KIAA0319L: variants seen among roughly 807,000 people sequenced by gnomAD.
The protein encoded by KIAA0319L is KIAA0319 like, also known as dyslexia-associated protein KIAA0319-like protein.
In KIAA0319L, 55 loss-of-function variants were observed where a neutral mutation model predicts 120.1. The ratio of observed to expected loss-of-function variants is 0.46; its 90% CI spans 0.37 to 0.57. KIAA0319L has a LOEUF of 0.57. Ranked by LOEUF, KIAA0319L falls within the 20% of genes least tolerant of loss-of-function variation. The probability of loss-of-function intolerance (pLI) is 0.00; values close to 1 mark genes in which losing one functional copy is unlikely to be tolerated. For missense variants in KIAA0319L, 1,049 were observed against 1,255.3 expected (o/e 0.84, Z 2.48); for synonymous variants, 398 against 471.9 (o/e 0.84, Z 2.03).
At chr1:35,511,918 TTATTTA>T (rs1429314695) in intron 2 of KIAA0319L, among the ~76,000 whole-genome samples, 1 of 152,240 alleles carries the variant, frequency 6.6e-6, no homozygotes, top group Non-Finnish European at 1.5e-5. Flanking sequence ...TATTATGTTC[TTATTTA>T]TATTTTTAAC....
intron 3 of KIAA0319L, among the ~76,000 whole-genome samples, chr1:35,498,860 G>A (rs1163725757): frequency 6.6e-6 from 1 of 152,100 alleles, no homozygotes; most frequent in Non-Finnish European, 1.5e-5. Context: ...AGACACAATG[G>A]TATTGAAATA....
intron 3 of KIAA0319L, among the ~76,000 whole-genome samples, chr1:35,502,495 C>A (rs1042544483): frequency 2.0e-5 from 3 of 151,186 alleles, no homozygotes; most frequent in Non-Finnish European, 3.0e-5. Context: ...TCAGTGTCCA[C>A]ATGGGTAACT....
chr1:35,460,195 C>T, intron 9 of KIAA0319L, 110 bp downstream of exon 9: 1 of 893,722 alleles, frequency 1.1e-6, no homozygotes. Flanking sequence ...TATTATCAAC[C>T]AACTCCACAG....
intron 18 of KIAA0319L, 75 bp from the exon 19 acceptor site, chr1:35,442,411 G>T: frequency 9.0e-7 from 1 of 1,113,164 alleles, no homozygotes; most frequent in South Asian, 1.2e-5. Context: ...TCCCAGCTTG[G>T]GCAGGTGTGG....
intron 2 of KIAA0319L, among the ~76,000 whole-genome samples, chr1:35,530,620 CTTT>C (rs1283559267): frequency 3.3e-5 from 5 of 152,084 alleles, no homozygotes; most frequent in African/African-American, 1.2e-4. Flanking sequence ...TTATTGTGTT[CTTT>C]TGGAGATACC....
chr1:35,442,803 C>T lies in KIAA0319L; in HGVS notation c.2779+103G>A. Reference sequence around the variant, plus strand: ...AACAGAAAATACACAAAGTTCTTCTCCTTGCCTGCTCATCTGCTTCAGAAA... The same window carrying T: ...AACAGAAAATACACAAAGTTCTTCTTCTTGCCTGCTCATCTGCTTCAGAAA... On this transcript the variant is annotated intron_variant, in intron 18 of 20. Coordinates refer to ENST00000325722, the MANE Select transcript of KIAA0319L (RefSeq NM_024874.5). 5.1e-6 allele frequency: 7 copies of T among 1,384,010 alleles called. No homozygotes were observed. In the Admixed American group the frequency reaches 1.1e-4, roughly 21 times the overall value. 85.7% of individuals were successfully genotyped at this position (1,384,010 alleles called of 1,614,324 possible).
At position 35,453,697 on chromosome 1, in the gene KIAA0319L, A is replaced by G. The variant is rs1642224717; in HGVS notation, c.1781-8T>C. On this transcript the variant is annotated splice_polypyrimidine_tract_variant and splice_region_variant and intron_variant, in intron 11 of 20. Transcript: ENST00000325722. This position sits in a 1 kb window ranked among gnomAD's most constrained non-coding sequence, Gnocchi z 4.1. The stretch of plus-strand genomic sequence containing the variant: ...GAGGAGGCTTATTGTTTTCTGGAAG[A>G]CAAAGAGTTAGAGGTCAAAAGCAGC... 2 of 1,612,078 alleles carry G rather than the reference A, an allele frequency of 1.2e-6. No homozygotes were observed. Among genetic ancestry groups the G allele is most frequent in the South Asian group, 2.2e-5 (2 of 90,844 alleles).
chr1:35,451,529 G>T, intron 13 of KIAA0319L, 99 bp downstream of exon 13: 2 of 1,193,776 alleles, frequency 1.7e-6, no homozygotes, highest in Non-Finnish European at 2.4e-6. Flanking sequence ...CCCACCTCTT[G>T]CTATCTCTAA....
rs1640642824 is a variant in KIAA0319L, at chr1:35,434,573, G to C, written c.*321C>G. 3.1e-6 allele frequency: 1 copy of C among 319,926 alleles called. No homozygotes were observed. The highest frequency in any genetic ancestry group is 5.8e-6 in the Non-Finnish European group (1 of 173,008). 19.8% of individuals were successfully genotyped at this position (319,926 alleles called of 1,614,324 possible). On this transcript the variant is annotated 3_prime_UTR_variant, in exon 21 of 21. Coordinates refer to ENST00000325722, the MANE Select transcript of KIAA0319L (RefSeq NM_024874.5). ...GCAGCACTCTGGGCACAATGACACT[G>C]TCCACTGGGGAGCTGCAGAGCTTAG...
chr1:35,443,953 T>A (rs1460554017), intron 17 of KIAA0319L: 1 of 424,502 alleles, frequency 2.4e-6, no homozygotes, highest in Non-Finnish European at 4.1e-6. Flanking sequence ...GCTCACAGCC[T>A]TCTGAACACG....
At chr1:35,553,454 C>G (rs1477180084) in intron 2 of KIAA0319L, among the ~76,000 whole-genome samples, 2 of 151,886 alleles carry the variant, frequency 1.3e-5, no homozygotes, top group Non-Finnish European at 2.9e-5. Context: ...AACAAAAACC[C>G]CAAAGCTGAT....
chr1:35,488,104 A>G (rs1644456386), intron 3 of KIAA0319L, among the ~76,000 whole-genome samples: 1 of 152,180 alleles, frequency 6.6e-6, no homozygotes, highest in African/African-American at 2.4e-5. Flanking sequence ...TGCCCTCAGG[A>G]AAAAATTTTT....
intron 8 of KIAA0319L, among the ~76,000 whole-genome samples, chr1:35,462,013 A>G (rs1425707987): frequency 6.6e-6 from 1 of 152,182 alleles, no homozygotes; most frequent in Non-Finnish European, 1.5e-5. Context: ...CCAAAAACCA[A>G]GCAAATACTG....
In KIAA0319L at chr1:35,484,727, A is replaced by G. The variant is rs60902011; in HGVS notation, c.667-5515T>C. On this transcript the variant is annotated intron_variant, in intron 3 of 20. Coordinates refer to ENST00000325722, the MANE Select transcript of KIAA0319L (RefSeq NM_024874.5). ...CTATTTGTTAAGTAACTGTCATCTC[A>G]TTTTCCTTTAAACCTTTGAACACGA... Among the ~76,000 whole-genome samples the G allele has an allele frequency of 7.9e-3, 1,071 of 135,134 alleles. 13 individuals carry two copies. The highest frequency in any genetic ancestry group is 0.028 in the African/African-American group (1,027 of 37,274). 88.7% of individuals were successfully genotyped at this position (135,134 alleles called of 152,430 possible).
chr1:35,442,299 G>A lies in KIAA0319L; in HGVS notation c.2817C>T (p.Val939=), dbSNP rs779679131. 1.9e-6 allele frequency: 3 copies of A among 1,613,974 alleles called. No homozygotes were observed. The East Asian group carries it at 6.7e-5, about 36-fold the overall frequency. The change falls in exon 19 of 21, where the codon GTC becomes GTT. Residue 939 remains valine, a synonymous_variant. Transcript: ENST00000325722. ...SVLYVIIATF[V]IVVALGILSW... ...ACAGGATTCCCAAGGCAACAACAAT[G>A]ACAAAGGTAGCAATGATAACATATA...
chr1:35,506,718 T>C lies in KIAA0319L; in HGVS notation c.560A>G (p.Gln187Arg). 1 of 1,614,210 alleles carries C rather than the reference T, an allele frequency of 6.2e-7. No individual in the cohort carries two copies. The highest frequency in any genetic ancestry group is 8.5e-7 in the Non-Finnish European group (1 of 1,180,030). ...TACGTCACTGGGACTACCTCTCTTCTGAAGCTTCCTGATTAAGCTCTGCTG... is the reference window on the plus strand; with the variant it reads ...TACGTCACTGGGACTACCTCTCTTCCGAAGCTTCCTGATTAAGCTCTGCTG... ...SDQQSLIRKL[Q>R]KRGSPSDVVT... The change falls in exon 3 of 21, where the codon CAG becomes CGG. Residue 187 changes from glutamine to arginine, a missense_variant. Coordinates refer to ENST00000325722, the MANE Select transcript of KIAA0319L (RefSeq NM_024874.5). The surrounding 1 kb of genome is among the most constrained non-coding windows in gnomAD (Gnocchi z 4.0).
chr1:35,463,787 C>T lies in KIAA0319L; in HGVS notation c.1202-1074G>A, dbSNP rs183753829. 5.6e-4 allele frequency among the ~76,000 whole-genome samples: 85 copies of T among 152,238 alleles called. No individual in the cohort carries two copies. In the Middle Eastern group the frequency reaches 0.01, roughly 18 times the overall value. ...TCAAATCTCATCTTGAATTGTAACT[C>T]CCACAATTCCCACCTCATGGGAGGA... On this transcript the variant is annotated intron_variant, in intron 7 of 20. Coordinates refer to ENST00000325722, the MANE Select transcript of KIAA0319L (RefSeq NM_024874.5).
At chr1:35,535,528 A>G (rs1646541058) in intron 2 of KIAA0319L, among the ~76,000 whole-genome samples, 1 of 152,112 alleles carries the variant, frequency 6.6e-6, no homozygotes, top group Admixed American at 6.6e-5. Flanking sequence ...CAAATTCCTT[A>G]GTTTTTTCAT....
chr1:35,496,171 A>C (rs1570821864), intron 3 of KIAA0319L, among the ~76,000 whole-genome samples: 1 of 152,132 alleles, frequency 6.6e-6, no homozygotes, highest in South Asian at 2.1e-4. Flanking sequence ...TGTAATCCCA[A>C]CACTTTGGGA....
Sources: allele counts gnomAD v4.1 joint callset (sites outside exome capture counted in the v4.1 genomes callset), GRCh38; gene constraint gnomAD v4.1.1; non-coding constraint Gnocchi (gnomAD v3.1); transcripts MANE v1.5; gene names NCBI Gene and HGNC (gene_info 2026-07-23, HGNC 2026-07-21).